The following REEP3 variants were observed in gnomAD, a reference collection of about 807,000 sequenced individuals.
REEP3 encodes the protein receptor accessory protein 3, also known as receptor expression-enhancing protein 3.
Under a neutral mutation model 41.3 loss-of-function variants are expected in REEP3, and 20 were observed. That is an observed-to-expected ratio of 0.48 (90% CI 0.34 to 0.70). The LOEUF (loss-of-function observed/expected upper bound fraction) is 0.70. Among genes scored for constraint, REEP3 ranks in the 30% least tolerant of loss-of-function variants. REEP3 has a pLI of 0.01. For missense variants in REEP3, 271 were observed against 308.8 expected (o/e 0.88, Z 0.92); for synonymous variants, 104 against 101.8 (o/e 1.02, Z -0.13).
At chr10:63,555,187 T>C (rs1373998784) in intron 1 of REEP3, among the ~76,000 whole-genome samples, 1 of 152,184 alleles carries the variant, frequency 6.6e-6, no homozygotes, top group Non-Finnish European at 1.5e-5. Flanking sequence ...CCACTGTCTT[T>C]TTCTCTCCTT....
Position 63,623,797 on chromosome 10 carries a change from G to GTGTA in REEP3, c.*2929_*2930insGTAT, listed in dbSNP as rs1319794887. 4.7e-4 allele frequency: 71 copies of GTGTA among 150,078 alleles called. No homozygotes were observed. Among genetic ancestry groups the GTGTA allele is most frequent in the African/African-American group, 1.8e-3 (71 of 39,604 alleles). 9.3% of individuals were successfully genotyped at this position (150,078 alleles called of 1,614,324 possible). A position where few individuals can be genotyped will look rare whatever the true frequency, so the allele number is the denominator to read the frequency against. On this transcript the variant is annotated 3_prime_UTR_variant, in exon 8 of 8. Coordinates refer to ENST00000373758, the MANE Select transcript of REEP3 (RefSeq NM_001001330.3). The stretch of plus-strand genomic sequence containing the variant: ...TGTGTGTGTGTGTGTGTGTGTGTGT[G>GTGTA]TATTTGGCTAAAAAATTATACTGCC...
At chr10:63,574,699 T>C (rs1406257051) in intron 2 of REEP3, among the ~76,000 whole-genome samples, 3 of 152,138 alleles carry the variant, frequency 2.0e-5, no homozygotes, top group Non-Finnish European at 4.4e-5. Context: ...GTTCTTACTC[T>C]GTATCCAGAC....
chr10:63,537,537 A>G (rs530431559), intron 1 of REEP3, among the ~76,000 whole-genome samples: 5 of 152,342 alleles, frequency 3.3e-5, no homozygotes, highest in Non-Finnish European at 5.9e-5. Context: ...AGTGTGTGTC[A>G]TATATTCTTT....
intron 1 of REEP3, among the ~76,000 whole-genome samples, chr10:63,534,955 T>G (rs746198971): frequency 1.8e-4 from 28 of 152,236 alleles, no homozygotes; most frequent in Non-Finnish European, 2.8e-4. Flanking sequence ...GCTCTCCCAC[T>G]GCAAAGTATG....
At chr10:63,553,824 G>A (rs60443730) in intron 1 of REEP3, among the ~76,000 whole-genome samples, 5,599 of 152,112 alleles carry the variant, frequency 0.037, 334 homozygotes, top group East Asian at 0.28. Context: ...ATTGGCCGGG[G>A]GCGGTGGCTC....
intron 1 of REEP3, among the ~76,000 whole-genome samples, chr10:63,546,871 G>T (rs1047824867): frequency 2.7e-5 from 4 of 150,084 alleles, no homozygotes; most frequent in African/African-American, 9.8e-5. Flanking sequence ...TTGGATCACA[G>T]ATAAAAATAA....
intron 1 of REEP3, among the ~76,000 whole-genome samples, chr10:63,527,660 A>G (rs1955378637): frequency 1.3e-5 from 2 of 152,244 alleles, no homozygotes; most frequent in South Asian, 4.1e-4. Flanking sequence ...CAGCCTGGGC[A>G]ACAGAGTGAG....
intron 6 of REEP3, among the ~76,000 whole-genome samples, chr10:63,610,553 G>A (rs911164759): frequency 1.3e-5 from 2 of 151,972 alleles, no homozygotes; most frequent in South Asian, 2.1e-4. Context: ...CATTCTGCAC[G>A]TGTATCCTGG....
chr10:63,543,864 A>G (rs1286055405), intron 1 of REEP3, among the ~76,000 whole-genome samples: 2 of 152,188 alleles, frequency 1.3e-5, no homozygotes, highest in Admixed American at 6.5e-5. Flanking sequence ...GCCTGGCATT[A>G]TTATATGGTT....
intron 1 of REEP3, among the ~76,000 whole-genome samples, chr10:63,527,697 T>G (rs184384137): frequency 8.6e-5 from 13 of 151,548 alleles, no homozygotes. Flanking sequence ...AAAAGAAAAA[T>G]AATTTTTTTA....
chr10:63,566,103 C>T (rs1343040729), intron 1 of REEP3, among the ~76,000 whole-genome samples: 2 of 152,074 alleles, frequency 1.3e-5, no homozygotes, highest in Non-Finnish European at 2.9e-5. Flanking sequence ...CCTGGATGGT[C>T]TTGATCTCCT....
At chr10:63,522,678 A>C (rs1955294978) in intron 1 of REEP3, among the ~76,000 whole-genome samples, 3 of 152,106 alleles carry the variant, frequency 2.0e-5, no homozygotes, top group Non-Finnish European at 4.4e-5. Flanking sequence ...AAGGAGCTAG[A>C]TTTTCTGAGT....
intron 5 of REEP3, chr10:63,599,639 T>C: frequency 1.0e-6 from 1 of 961,486 alleles, no homozygotes. Flanking sequence ...TCTTTTTTTC[T>C]GTCTCTTTGT....
At chr10:63,564,917 T>C (rs1193584635) in intron 1 of REEP3, among the ~76,000 whole-genome samples, 4 of 152,156 alleles carry the variant, frequency 2.6e-5, no homozygotes, top group African/African-American at 9.7e-5. Flanking sequence ...CATGGAATTG[T>C]TTACATAAAG....
chr10:63,620,638 C>T (rs1956346442), intron 7 of REEP3, among the ~76,000 whole-genome samples, 175 bp from the exon 8 acceptor site: 1 of 151,448 alleles, frequency 6.6e-6, no homozygotes, highest in Admixed American at 6.6e-5. Context: ...CTAAATATTA[C>T]CAACTACATT....
intron 2 of REEP3, among the ~76,000 whole-genome samples, chr10:63,590,060 G>A (rs373501739): frequency 5.1e-4 from 78 of 152,158 alleles, no homozygotes; most frequent in African/African-American, 1.8e-3. Flanking sequence ...CTCCCAAAGT[G>A]CCAAGATTAC....
chr10:63,566,321 ATT>A lies in REEP3; in HGVS notation c.33-10_33-9del. ...ATTGTTGTGTTTGAACAGTATTCTCATTTTTTTTACTTTTAGGCTGGTGTTTG... is the reference window on the plus strand; with the variant it reads ...ATTGTTGTGTTTGAACAGTATTCTCATTTTTTACTTTTAGGCTGGTGTTTG... On this transcript the variant is annotated splice_polypyrimidine_tract_variant and intron_variant, in intron 1 of 7. Coordinates refer to ENST00000373758, the MANE Select transcript of REEP3 (RefSeq NM_001001330.3). The A allele has an allele frequency of 6.8e-7, 1 of 1,473,032 alleles. No individual in the cohort carries two copies. The highest frequency in any genetic ancestry group is 1.8e-4 in the Middle Eastern group (1 of 5,644). 91.2% of individuals were successfully genotyped at this position (1,473,032 alleles called of 1,614,324 possible). A position where few individuals can be genotyped will look rare whatever the true frequency, so the allele number is the denominator to read the frequency against.
chr10:63,603,345 A>G (rs1956192540), intron 5 of REEP3, among the ~76,000 whole-genome samples: 1 of 147,660 alleles, frequency 6.8e-6, no homozygotes, highest in Non-Finnish European at 1.5e-5. Context: ...GACCCCACCC[A>G]TTACCCTTCA....
At chr10:63,604,652 A>T (rs554287679) in intron 5 of REEP3, among the ~76,000 whole-genome samples, 1 of 151,792 alleles carries the variant, frequency 6.6e-6, no homozygotes, top group African/African-American at 2.4e-5. Context: ...TATACACTTA[A>T]AAAAAAAGGG....
Sources: gnomAD v4.1 joint callset for allele counts (sites outside exome capture counted in the v4.1 genomes callset) on GRCh38, gnomAD v4.1.1 for gene constraint, MANE v1.5 for transcripts, NCBI Gene and HGNC (gene_info 2026-07-23, HGNC 2026-07-21) for gene names.